The following LNPEP variants were observed in gnomAD, a reference collection of about 807,000 sequenced individuals.
LNPEP encodes leucyl and cystinyl aminopeptidase.
Under a neutral mutation model 120.6 loss-of-function variants are expected in LNPEP, and 64 were observed. The ratio of observed to expected loss-of-function variants is 0.53; its 90% CI spans 0.43 to 0.65. LNPEP has a LOEUF of 0.65. Among genes scored for constraint, LNPEP ranks in the 30% least tolerant of loss-of-function variants. LNPEP has a pLI of 0.00. For missense variants in LNPEP, 1,057 were observed against 1,200.0 expected, an observed-to-expected ratio of 0.88 and a Z score of 1.76; for synonymous variants, 435 against 425.4, an observed-to-expected ratio of 1.02 and a Z score of -0.28.
At chr5:96,973,076 C>T (rs1652972106) in intron 1 of LNPEP, among the ~76,000 whole-genome samples, 1 of 152,128 alleles carries the variant, frequency 6.6e-6, no homozygotes, top group South Asian at 2.1e-4. Context: ...GTTACACAAA[C>T]AGGTGTCAGG....
intron 1 of LNPEP, among the ~76,000 whole-genome samples, chr5:96,949,526 A>T (rs1419107941): frequency 3.3e-5 from 5 of 152,204 alleles, no homozygotes; most frequent in Non-Finnish European, 7.3e-5. Context: ...ATTGTCTTCC[A>T]CAAAACCAGT....
intron 1 of LNPEP, among the ~76,000 whole-genome samples, chr5:96,948,169 G>A (rs1333903147): frequency 6.6e-6 from 1 of 150,960 alleles, no homozygotes. Flanking sequence ...CCAGGCTGGA[G>A]TGCAGTGGCA....
At position 96,936,090 on chromosome 5, in the gene LNPEP, G is replaced by A; in HGVS notation, c.-66G>A. 1 of 1,507,176 alleles carries A rather than the reference G, an allele frequency of 6.6e-7. No homozygotes were observed. Among genetic ancestry groups the A allele is most frequent in the Non-Finnish European group, 8.9e-7 (1 of 1,125,736 alleles). 93.4% of individuals were successfully genotyped at this position (1,507,176 alleles called of 1,614,324 possible). A position where few individuals can be genotyped will look rare whatever the true frequency, so the allele number is the denominator to read the frequency against. The stretch of plus-strand genomic sequence containing the variant: ...GCGCTGGGCATGCTCAGTCAGCTGG[G>A]CCGCCTCAGCTCTCGGAGTAGGAAG... On this transcript the variant is annotated 5_prime_UTR_variant, in exon 1 of 18. Transcript: ENST00000231368.
At chr5:96,969,896 ATTT>A (rs1431006757) in intron 1 of LNPEP, among the ~76,000 whole-genome samples, 2 of 151,442 alleles carry the variant, frequency 1.3e-5, no homozygotes, top group African/African-American at 4.8e-5. Context: ...TTTTATTATT[ATTT>A]ATTTCAAATA....
At chr5:96,985,949 TCTTCAC>T (rs1790233283) in intron 3 of LNPEP, among the ~76,000 whole-genome samples, 2 of 152,268 alleles carry the variant, frequency 1.3e-5, no homozygotes, top group African/African-American at 4.8e-5. Flanking sequence ...TCAGCCATAC[TCTTCAC>T]CTTCATCTTT....
intron 1 of LNPEP, among the ~76,000 whole-genome samples, chr5:96,945,694 G>A: frequency 6.6e-6 from 1 of 152,080 alleles, no homozygotes; most frequent in East Asian, 1.9e-4. Flanking sequence ...AGTATAATGA[G>A]GTGCGTCTGA....
intron 6 of LNPEP, 143 bp downstream of exon 6, chr5:96,994,114 A>G (rs1264951694): frequency 3.0e-6 from 2 of 676,128 alleles, no homozygotes; most frequent in East Asian, 2.8e-5. Flanking sequence ...TTTAAACACA[A>G]ACTTCATTTT....
At chr5:97,017,274 G>A (rs1791088994) in intron 13 of LNPEP, among the ~76,000 whole-genome samples, 1 of 151,952 alleles carries the variant, frequency 6.6e-6, no homozygotes, top group African/African-American at 2.4e-5. Flanking sequence ...ACCATTAGAT[G>A]TTCTTTTGTA....
chr5:96,964,725 C>T (rs1011461246), intron 1 of LNPEP, among the ~76,000 whole-genome samples: 2 of 151,912 alleles, frequency 1.3e-5, no homozygotes, highest in African/African-American at 4.8e-5. Context: ...TATGTATTGA[C>T]GAGGCATGAT....
At chr5:96,980,285 A>G (rs149789700) in intron 2 of LNPEP, among the ~76,000 whole-genome samples, 70 of 152,214 alleles carry the variant, frequency 4.6e-4, no homozygotes, top group African/African-American at 1.7e-3. Context: ...TCACCTCATG[A>G]AGTCTGTTGG....
intron 9 of LNPEP, 110 bp downstream of exon 9, chr5:97,003,656 T>C (rs1790708284): frequency 1.5e-6 from 1 of 652,278 alleles, no homozygotes; most frequent in African/African-American, 1.9e-5. Context: ...AGCATAGTTA[T>C]TTAAGAAAGG....
chr5:97,024,698 G>A lies in LNPEP; in HGVS notation c.2723+16G>A, dbSNP rs776934949. ...AGCTTTACTGGTATGAAATCACCGA[G>A]GAATATGATATACAGAAACCAAAAG... On this transcript the variant is annotated intron_variant, in intron 15 of 17. Coordinates refer to ENST00000231368, the MANE Select transcript of LNPEP (RefSeq NM_005575.3). 1.2e-6 allele frequency: 2 copies of A among 1,608,148 alleles called. No homozygotes were observed. The highest frequency in any genetic ancestry group is 1.7e-6 in the Non-Finnish European group (2 of 1,176,832).
chr5:96,998,388 G>A (rs1238832317), intron 8 of LNPEP, among the ~76,000 whole-genome samples: 2 of 151,956 alleles, frequency 1.3e-5, no homozygotes, highest in Non-Finnish European at 2.9e-5. Flanking sequence ...AGATCTTATA[G>A]CGATGCATCT....
intron 1 of LNPEP, among the ~76,000 whole-genome samples, chr5:96,950,776 T>A (rs566643633): frequency 2.0e-5 from 3 of 152,290 alleles, no homozygotes; most frequent in African/African-American, 7.2e-5. Context: ...GCCACACAAC[T>A]TAAATTATTG....
intron 1 of LNPEP, among the ~76,000 whole-genome samples, chr5:96,954,766 A>AT (rs1561430227): frequency 7.3e-5 from 3 of 40,956 alleles, no homozygotes; most frequent in Non-Finnish European, 1.0e-4. Flanking sequence ...ATATATATAT[A>AT]TATATATTTT....
At chr5:96,945,426 A>C (rs1246611364) in intron 1 of LNPEP, among the ~76,000 whole-genome samples, 1 of 150,030 alleles carries the variant, frequency 6.7e-6, no homozygotes, top group African/African-American at 2.4e-5. Context: ...AAAAAAAAAG[A>C]GATCAGAAAG....
At chr5:96,961,736 T>C (rs1382461672) in intron 1 of LNPEP, among the ~76,000 whole-genome samples, 1 of 152,118 alleles carries the variant, frequency 6.6e-6, no homozygotes, top group Non-Finnish European at 1.5e-5. Context: ...TAAATTATCT[T>C]TAGATTACTT....
intron 11 of LNPEP, among the ~76,000 whole-genome samples, chr5:97,013,392 C>T (rs1790986691): frequency 6.6e-6 from 1 of 152,110 alleles, no homozygotes. Flanking sequence ...TCTCTAAAAG[C>T]AGAGACATAT....
At chr5:97,013,974 T>G (rs1416137976) in intron 12 of LNPEP, 143 bp downstream of exon 12, 7 of 530,346 alleles carry the variant, frequency 1.3e-5, no homozygotes, top group Non-Finnish European at 2.3e-5. Context: ...ATATGTGTTC[T>G]TTGCCTCCAG....
Sources: allele counts gnomAD v4.1 joint callset (sites outside exome capture counted in the v4.1 genomes callset), GRCh38; gene constraint gnomAD v4.1.1; transcripts MANE v1.5; gene names NCBI Gene and HGNC (gene_info 2026-07-23, HGNC 2026-07-21).